VSTM2B: variants seen among roughly 807,000 people sequenced by gnomAD.
The protein encoded by VSTM2B is V-set and transmembrane domain containing 2B, also known as V-set and transmembrane domain-containing protein 2B.
VSTM2B carries 24 observed loss-of-function variants against 24.0 expected under a neutral mutation model. That is an observed-to-expected ratio of 1.00 (90% CI 0.72 to 1.40). The LOEUF (loss-of-function observed/expected upper bound fraction) is 1.40. VSTM2B is among the 40% of genes most tolerant of loss of function. The pLI is 0.00. For synonymous variants in VSTM2B, 226 were observed against 194.4 expected, an observed-to-expected ratio of 1.16 and a Z score of -1.35; for missense variants, 399 against 416.4, an observed-to-expected ratio of 0.96 and a Z score of 0.36.
At chr19:29,545,579 C>T (rs776254663) in intron 4 of VSTM2B, among the ~76,000 whole-genome samples, 3 of 152,152 alleles carry the variant, frequency 2.0e-5, no homozygotes, top group East Asian at 3.9e-4. Context: ...TGCCATTGCA[C>T]GCCAGCCTGG....
intron 4 of VSTM2B, among the ~76,000 whole-genome samples, chr19:29,534,800 G>A (rs571780296): frequency 2.0e-5 from 3 of 152,096 alleles, no homozygotes; most frequent in Non-Finnish European, 4.4e-5. Context: ...CAGCAGGGGC[G>A]GTCCCAGTAC....
chr19:29,555,373 A>G (rs561319150), intron 4 of VSTM2B, among the ~76,000 whole-genome samples: 6 of 152,208 alleles, frequency 3.9e-5, no homozygotes, highest in African/African-American at 7.2e-5. Flanking sequence ...AACAGGGACA[A>G]TGTACCAAAA....
Position 29,530,190 on chromosome 19 carries a change from G to T in VSTM2B, c.669G>T (p.Ala223=), listed in dbSNP as rs1348486855. 13 of 1,491,122 alleles carry T rather than the reference G, an allele frequency of 8.7e-6. No homozygotes were observed. The highest frequency in any genetic ancestry group is 4.4e-5 in the Admixed American group (2 of 45,112). The allele number at this position is 1,491,122 out of a possible 1,614,324, so 92.4% of individuals were successfully genotyped here. A position where few individuals can be genotyped will look rare whatever the true frequency, so the allele number is the denominator to read the frequency against. ...TCCCCGAGGCCGCGGCAGCCTCGGC[G>T]GCCCACACGCCCACCACCACAGTCG... The part of the protein sequence containing the change: ...PAVPEAAAAS[A]AHTPTTTVAA... Residue 223 remains alanine (A), a synonymous_variant, in exon 4 of 5, where the codon GCG becomes GCT. Coordinates refer to ENST00000335523, the MANE Select transcript of VSTM2B (RefSeq NM_001146339.2).
At chr19:29,563,317 A>G (rs976353103) in intron 4 of VSTM2B, among the ~76,000 whole-genome samples, 4 of 151,290 alleles carry the variant, frequency 2.6e-5, no homozygotes, top group Admixed American at 2.0e-4. Context: ...CAGTGGTGCA[A>G]TCACAGCTCT....
At chr19:29,558,135 G>T (rs1437579989) in intron 4 of VSTM2B, among the ~76,000 whole-genome samples, 2 of 152,038 alleles carry the variant, frequency 1.3e-5, no homozygotes, top group Non-Finnish European at 2.9e-5. Flanking sequence ...GATCATTAGA[G>T]AATGCAAATC....
At chr19:29,538,114 C>T (rs879533219) in intron 4 of VSTM2B, among the ~76,000 whole-genome samples, 1 of 152,200 alleles carries the variant, frequency 6.6e-6, no homozygotes, top group Non-Finnish European at 1.5e-5. Context: ...TGGGCCTTTA[C>T]AGGGCTCTGG....
chr19:29,529,459 T>C (rs1463200425), intron 3 of VSTM2B, among the ~76,000 whole-genome samples: 1 of 152,002 alleles, frequency 6.6e-6, no homozygotes, highest in Non-Finnish European at 1.5e-5. Flanking sequence ...CAGCCTGGGG[T>C]TTCCTGAAGG....
chr19:29,553,947 A>G (rs1295756532), intron 4 of VSTM2B, among the ~76,000 whole-genome samples: 1 of 152,220 alleles, frequency 6.6e-6, no homozygotes, highest in Non-Finnish European at 1.5e-5. Context: ...CCTACAACTG[A>G]TTGAAGTGCC....
chr19:29,558,595 G>A (rs927043806), intron 4 of VSTM2B, among the ~76,000 whole-genome samples: 2 of 152,140 alleles, frequency 1.3e-5, no homozygotes, highest in Non-Finnish European at 2.9e-5. Context: ...TTATCCTCAG[G>A]AAACTAATGC....
At chr19:29,531,700 G>A (rs187292607) in intron 4 of VSTM2B, among the ~76,000 whole-genome samples, 2 of 152,368 alleles carry the variant, frequency 1.3e-5, no homozygotes, top group Admixed American at 1.3e-4. Flanking sequence ...GGGGAAGGTA[G>A]GGACCTGCAA....
chr19:29,541,542 AGATGGGTG>A (rs1970017496), intron 4 of VSTM2B, among the ~76,000 whole-genome samples: 1 of 152,054 alleles, frequency 6.6e-6, no homozygotes, highest in Admixed American at 6.6e-5. Flanking sequence ...GAGAATTAAT[AGATGGGTG>A]GAAGGAAGGA....
intron 4 of VSTM2B, among the ~76,000 whole-genome samples, chr19:29,543,633 G>A (rs771756476): frequency 6.6e-6 from 1 of 152,202 alleles, no homozygotes; most frequent in Non-Finnish European, 1.5e-5. Flanking sequence ...CCCATACAGT[G>A]AGCAGCCTTC....
intron 4 of VSTM2B, among the ~76,000 whole-genome samples, chr19:29,551,307 C>T (rs1389950419): frequency 6.6e-6 from 1 of 152,232 alleles, no homozygotes; most frequent in Admixed American, 6.5e-5. Flanking sequence ...GAGGAACTTT[C>T]ACCTTTACTT....
intron 4 of VSTM2B, among the ~76,000 whole-genome samples, chr19:29,559,715 A>T (rs1479767073): frequency 6.6e-6 from 1 of 152,126 alleles, no homozygotes; most frequent in Non-Finnish European, 1.5e-5. Context: ...CCTGAGAAAG[A>T]TTATTCTCCA....
upstream of VSTM2B, among the ~76,000 whole-genome samples, chr19:29,525,937 G>T (rs1481602811): frequency 2.0e-5 from 3 of 151,540 alleles, no homozygotes; most frequent in Admixed American, 6.5e-5. Context: ...CGGTGGAGGC[G>T]GCTTGGCGCC....
chr19:29,532,813 T>C (rs1969791326), intron 4 of VSTM2B, among the ~76,000 whole-genome samples: 1 of 152,230 alleles, frequency 6.6e-6, no homozygotes, highest in Non-Finnish European at 1.5e-5. Flanking sequence ...GAAGCCAGGC[T>C]ATGGAGGGCC....
intron 4 of VSTM2B, among the ~76,000 whole-genome samples, chr19:29,543,291 C>A (rs923826055): frequency 6.6e-6 from 1 of 152,130 alleles, no homozygotes; most frequent in Admixed American, 6.5e-5. Flanking sequence ...GTGACATATC[C>A]CAGGCAGCTC....
At chr19:29,554,352 T>C (rs938772847) in intron 4 of VSTM2B, among the ~76,000 whole-genome samples, 10 of 152,150 alleles carry the variant, frequency 6.6e-5, no homozygotes, top group African/African-American at 2.4e-4. Context: ...ATAAAATCTT[T>C]TCAGACAAGC....
At chr19:29,551,868 C>T (rs1365348318) in intron 4 of VSTM2B, among the ~76,000 whole-genome samples, 1 of 152,202 alleles carries the variant, frequency 6.6e-6, no homozygotes, top group Non-Finnish European at 1.5e-5. Flanking sequence ...ACACAACCCC[C>T]AGGAACACAG....
Sources: gnomAD v4.1 joint callset for allele counts (sites outside exome capture counted in the v4.1 genomes callset) on GRCh38, gnomAD v4.1.1 for gene constraint, MANE v1.5 for transcripts, NCBI Gene and HGNC (gene_info 2026-07-23, HGNC 2026-07-21) for gene names.